HHAT: variants seen among roughly 807,000 people sequenced by gnomAD.
The protein encoded by HHAT is protein-cysteine N-palmitoyltransferase HHAT.
Under a neutral mutation model 70.8 loss-of-function variants are expected in HHAT, and 47 were observed. That is an observed-to-expected ratio of 0.66 (90% confidence interval 0.53 to 0.85). HHAT has a LOEUF of 0.85. Among genes scored for constraint, HHAT ranks in the 40% least tolerant of loss-of-function variants. HHAT has a pLI of 0.00. For missense variants in HHAT, 609 were observed against 604.8 expected, an observed-to-expected ratio of 1.01 and a Z score of -0.07; for synonymous variants, 228 against 247.6, an observed-to-expected ratio of 0.92 and a Z score of 0.74.
intron 7 of HHAT, among the ~76,000 whole-genome samples, chr1:210,459,367 T>G (rs1182199724): frequency 6.6e-6 from 1 of 152,184 alleles, no homozygotes; most frequent in Non-Finnish European, 1.5e-5. Context: ...CAGTTACTTC[T>G]TAAGGAAATG....
At chr1:210,490,782 A>G (rs1355657500) in intron 8 of HHAT, among the ~76,000 whole-genome samples, 1 of 152,164 alleles carries the variant, frequency 6.6e-6, no homozygotes, top group Non-Finnish European at 1.5e-5. Flanking sequence ...TAAACTCACT[A>G]ATAGGAAAAG....
intron 8 of HHAT, among the ~76,000 whole-genome samples, chr1:210,499,258 A>C (rs1032559121): frequency 1.3e-5 from 2 of 152,104 alleles, no homozygotes; most frequent in African/African-American, 2.4e-5. Context: ...ACACCTGCCT[A>C]TGCTGCATTG....
intron 3 of HHAT, among the ~76,000 whole-genome samples, chr1:210,376,621 T>C (rs759539995): frequency 6.6e-6 from 1 of 152,212 alleles, no homozygotes; most frequent in Non-Finnish European, 1.5e-5. Flanking sequence ...GGTCTCGTTC[T>C]TCTCTGTCTC....
intron 8 of HHAT, 46 bp downstream of exon 8, chr1:210,464,701 A>G (rs946391967): frequency 3.1e-6 from 5 of 1,609,102 alleles, no homozygotes; most frequent in Non-Finnish European, 4.2e-6. Flanking sequence ...GTCCAGTGGG[A>G]GGAGCATGGC....
At chr1:210,638,879 T>C (rs1204520434) in intron 11 of HHAT, among the ~76,000 whole-genome samples, 1 of 152,020 alleles carries the variant, frequency 6.6e-6, no homozygotes, top group Non-Finnish European at 1.5e-5. Context: ...CACCCCAGCC[T>C]GGGTGACAGA....
chr1:210,426,613 T>C (rs140884379), intron 7 of HHAT, among the ~76,000 whole-genome samples: 408 of 152,330 alleles, frequency 2.7e-3, no homozygotes, highest in Non-Finnish European at 4.3e-3. Flanking sequence ...GTGGTTTTTG[T>C]CTTTAGTTCT....
chr1:210,602,177 A>C (rs1664435626), intron 10 of HHAT, among the ~76,000 whole-genome samples: 1 of 152,180 alleles, frequency 6.6e-6, no homozygotes, highest in Admixed American at 6.6e-5. Context: ...GAGTAAAATG[A>C]GAGTGCTGGC....
chr1:210,379,085 C>A, intron 3 of HHAT, among the ~76,000 whole-genome samples: 1 of 152,122 alleles, frequency 6.6e-6, no homozygotes, highest in African/African-American at 2.4e-5. Context: ...GTTCCAAGAG[C>A]CACTGTACAC....
intron 4 of HHAT, among the ~76,000 whole-genome samples, chr1:210,400,030 G>A (rs964130348): frequency 2.6e-5 from 4 of 152,170 alleles, no homozygotes; most frequent in African/African-American, 9.7e-5. Flanking sequence ...TTCTTAATAG[G>A]TCTTCCTAGA....
intron 9 of HHAT, among the ~76,000 whole-genome samples, chr1:210,577,639 T>TTTTTTTTTG (rs1658161853): frequency 9.2e-6 from 1 of 108,264 alleles, no homozygotes. Context: ...CCTGTAGGAT[T>TTTTTTTTTG]TTTTTTTTTT....
chr1:210,535,805 C>A (rs2095366195), intron 9 of HHAT, among the ~76,000 whole-genome samples: 1 of 152,148 alleles, frequency 6.6e-6, no homozygotes, highest in South Asian at 2.1e-4. Flanking sequence ...TAAACACACC[C>A]ATGAAATAAA....
At chr1:210,480,038 C>G (rs1300388310) in intron 8 of HHAT, among the ~76,000 whole-genome samples, 2 of 152,118 alleles carry the variant, frequency 1.3e-5, no homozygotes, top group Non-Finnish European at 2.9e-5. Flanking sequence ...TTTAATCTTT[C>G]TGTATAAATT....
intron 8 of HHAT, among the ~76,000 whole-genome samples, chr1:210,501,212 A>G (rs1052291033): frequency 3.9e-5 from 6 of 152,360 alleles, no homozygotes; most frequent in African/African-American, 1.2e-4. Flanking sequence ...CATAGTAGGC[A>G]CTTTAAATAT....
chr1:210,531,826 T>C (rs939780012), intron 9 of HHAT, among the ~76,000 whole-genome samples: 17 of 152,226 alleles, frequency 1.1e-4, no homozygotes, highest in African/African-American at 3.9e-4. Flanking sequence ...TAACAGTGTT[T>C]CTTTTCCTGT....
intron 9 of HHAT, among the ~76,000 whole-genome samples, chr1:210,562,685 A>AAG: frequency 6.6e-6 from 1 of 150,982 alleles, no homozygotes; most frequent in Non-Finnish European, 1.5e-5. Flanking sequence ...TTTAAGTTTT[A>AAG]GAGTACATGT....
At chr1:210,438,174 TTG>T (rs3036615) in intron 7 of HHAT, among the ~76,000 whole-genome samples, 22 of 149,298 alleles carry the variant, frequency 1.5e-4, no homozygotes, top group Admixed American at 2.0e-4. Flanking sequence ...TTCTCCGTGT[TTG>T]TGTGTGTGTG....
chr1:210,603,374 A>G (rs1664709232), intron 10 of HHAT, among the ~76,000 whole-genome samples: 1 of 152,098 alleles, frequency 6.6e-6, no homozygotes, highest in Non-Finnish European at 1.5e-5. Context: ...GCACAGATGA[A>G]TGGTGGTTGC....
At chr1:210,386,628 G>A (rs1172429320) in intron 3 of HHAT, among the ~76,000 whole-genome samples, 1 of 152,144 alleles carries the variant, frequency 6.6e-6, no homozygotes, top group African/African-American at 2.4e-5. Flanking sequence ...ACTGTTCACT[G>A]GCCAAGCCTG....
At position 210,375,861 on chromosome 1, in the gene HHAT, A is replaced by G. The variant is rs1441200260; in HGVS notation, c.160-11607A>G. On this transcript the variant is annotated intron_variant, in intron 3 of 11. Transcript: ENST00000261458. ...TATTGACCTATCCTTAGGTTCAATA[A>G]TTAAAAAAAAAAAAAAATCTCACTC... Among the ~76,000 whole-genome samples the G allele has an allele frequency of 9.5e-5, 12 of 126,442 alleles. No homozygotes were observed. The Admixed American group carries it at 9.6e-4, about 10-fold the overall frequency. 83.0% of individuals were successfully genotyped at this position (126,442 alleles called of 152,430 possible). A position where few individuals can be genotyped will look rare whatever the true frequency, so the allele number is the denominator to read the frequency against.
Sources: allele counts gnomAD v4.1 joint callset (sites outside exome capture counted in the v4.1 genomes callset), GRCh38; gene constraint gnomAD v4.1.1; transcripts MANE v1.5; gene names NCBI Gene and HGNC (gene_info 2026-07-23, HGNC 2026-07-21).